AKAP9: variants seen among roughly 807,000 people sequenced by gnomAD.
AKAP9 encodes A-kinase anchor protein 9.
Under a neutral mutation model 488.5 loss-of-function variants are expected in AKAP9, and 311 were observed. The ratio of observed to expected loss-of-function variants is 0.64; its 90% CI spans 0.58 to 0.70. The LOEUF is 0.70. Among genes scored for constraint, AKAP9 ranks in the 30% least tolerant of loss-of-function variants. The pLI, the probability that AKAP9 is intolerant of heterozygous loss-of-function variation, is 0.00. For missense variants in AKAP9, 4,215 were observed against 4,374.5 expected (o/e 0.96, Z 1.03); for synonymous variants, 1,462 against 1,483.5 (o/e 0.99, Z 0.33).
Position 92,062,397 on chromosome 7 carries a change from A to G in AKAP9, c.5888A>G (p.Glu1963Gly), listed in dbSNP as rs1449345241. Reference sequence around the variant, plus strand: ...GCAAGTAACAGGTTGCAAGAATTGGAGGCAGAGCAACAGCAGATCCAAGAA... The same window carrying G: ...GCAAGTAACAGGTTGCAAGAATTGGGGGCAGAGCAACAGCAGATCCAAGAA... The part of the protein sequence containing the change: ...LCASNRLQEL[E>G]AEQQQIQEER... Residue 1963 changes from glutamate (E) to glycine (G), a missense_variant, in exon 24 of 50, where the codon GAG becomes GGG. Glu to Gly is a moderately conservative substitution (Grantham distance 98). Around this residue, in one of 5 missense-constraint regions of AKAP9, gnomAD observed 2,361 missense variants for 2,430.0 expected, o/e 0.97. Coordinates refer to ENST00000356239, the MANE Select transcript of AKAP9 (RefSeq NM_005751.5). 2 of 1,613,944 alleles carry G rather than the reference A, an allele frequency of 1.2e-6. No individual in the cohort carries two copies. Among genetic ancestry groups the G allele is most frequent in the East Asian group, 4.5e-5 (2 of 44,858 alleles).
chr7:92,001,313 C>T lies in AKAP9; in HGVS notation c.1396C>T (p.Arg466Trp), dbSNP rs373876340. 44 of 1,613,664 alleles carry T rather than the reference C, an allele frequency of 2.7e-5. No homozygotes were observed. Among genetic ancestry groups the T allele is most frequent in the African/African-American group, 1.5e-4 (11 of 74,870 alleles). Reference protein sequence around the residue: ...HMAQMEEMKTRHKGEMENALR... With the variant: ...HMAQMEEMKTWHKGEMENALR... ...GGCACAGATGGAGGAAATGAAAACA[C>T]GGCATAAGGGAGAAATGGAGAATGC... Residue 466 changes from arginine (R) to tryptophan (W), a missense_variant, in exon 8 of 50, where the codon CGG becomes TGG. Transcript: ENST00000356239.
At chr7:91,989,041 T>C (rs566663157) in intron 3 of AKAP9, among the ~76,000 whole-genome samples, 9 of 152,288 alleles carry the variant, frequency 5.9e-5, no homozygotes, top group East Asian at 1.9e-4. Flanking sequence ...TTGGCATACA[T>C]TAGACGTTCA....
At chr7:91,987,574 A>C (rs1223203876) in intron 3 of AKAP9, among the ~76,000 whole-genome samples, 2 of 152,234 alleles carry the variant, frequency 1.3e-5, no homozygotes, top group African/African-American at 4.8e-5. Context: ...GTCTAGAGAA[A>C]ACGTAGAAGT....
At chr7:92,058,650 T>A (rs898852001) in intron 22 of AKAP9, among the ~76,000 whole-genome samples, 43 of 152,010 alleles carry the variant, frequency 2.8e-4, no homozygotes, top group African/African-American at 9.9e-4. Context: ...TTTAAAAAGA[T>A]CCCGCTTTTC....
intron 26 of AKAP9, 44 bp downstream of exon 26, chr7:92,066,590 C>A: frequency 6.2e-7 from 1 of 1,607,852 alleles, no homozygotes; most frequent in South Asian, 1.1e-5. Context: ...TAATTTGTAT[C>A]AAGTGTAAAA....
rs756131845 is a variant in AKAP9 at position 92,042,057 on chromosome 7, A to G, written c.4929A>G (p.Ile1643Met). The G allele has an allele frequency of 6.2e-6, 10 of 1,613,724 alleles. No homozygotes were observed. The highest frequency in any genetic ancestry group is 8.5e-6 in the Non-Finnish European group (10 of 1,179,812). Residue 1643 changes from isoleucine (I) to methionine (M), a missense_variant, in exon 19 of 50, where the codon ATA becomes ATG. By Grantham distance (10) the Ile-to-Met change is conservative. Coordinates refer to ENST00000356239, the MANE Select transcript of AKAP9 (RefSeq NM_005751.5). ...TTTTTCTTATTTAGAGATCCTCCAT[A>G]GATAATGAAAACCTGGTTTCAGAGA... ...LNRQLAQRSSIDNENLVSERE... is the reference protein window; with the variant it reads ...LNRQLAQRSSMDNENLVSERE...
chr7:91,941,353 T>C (rs1433974807), intron 1 of AKAP9, among the ~76,000 whole-genome samples: 1 of 152,202 alleles, frequency 6.6e-6, no homozygotes, highest in Non-Finnish European at 1.5e-5. Context: ...TAGCTGATAA[T>C]ACTTCCGCGA....
intron 1 of AKAP9, among the ~76,000 whole-genome samples, chr7:91,958,070 A>T (rs1012394834): frequency 6.6e-6 from 1 of 152,164 alleles, no homozygotes; most frequent in Non-Finnish European, 1.5e-5. Flanking sequence ...ACTGATATTC[A>T]TGTGTTTATT....
At chr7:92,050,012 A>C (rs1162945233) in intron 21 of AKAP9, among the ~76,000 whole-genome samples, 1 of 151,670 alleles carries the variant, frequency 6.6e-6, no homozygotes, top group Non-Finnish European at 1.5e-5. Context: ...AAATTTAAGA[A>C]GTGTTGAATT....
chr7:92,028,377 C>T (rs1803672589), intron 14 of AKAP9, among the ~76,000 whole-genome samples: 1 of 148,356 alleles, frequency 6.7e-6, no homozygotes. Context: ...ATCATAATGA[C>T]CGGATAGATA....
intron 46 of AKAP9, among the ~76,000 whole-genome samples, chr7:92,104,190 A>ATTTTTTTTTTTT (rs879741854): frequency 1.4e-5 from 2 of 142,656 alleles, no homozygotes; most frequent in Non-Finnish European, 3.1e-5. Flanking sequence ...TTATTTATTT[A>ATTTTTTTTTTTT]TTTTTTTTTT....
At chr7:91,969,539 A>G (rs576918734) in intron 1 of AKAP9, among the ~76,000 whole-genome samples, 4 of 152,266 alleles carry the variant, frequency 2.6e-5, no homozygotes, top group South Asian at 2.1e-4. Flanking sequence ...ATTGCAGTCT[A>G]TCTCTCCCTT....
intron 1 of AKAP9, among the ~76,000 whole-genome samples, 173 bp downstream of exon 1, chr7:91,941,320 A>G (rs975096050): frequency 6.6e-6 from 1 of 152,000 alleles, no homozygotes; most frequent in African/African-American, 2.4e-5. Context: ...CCCTTTTTCC[A>G]GTTGGGGGAC....
intron 30 of AKAP9, 48 bp downstream of exon 30, chr7:92,077,923 TA>T: frequency 7.0e-7 from 1 of 1,427,830 alleles, no homozygotes; most frequent in Non-Finnish European, 9.7e-7. Flanking sequence ...ACCAGAGTTT[TA>T]AAGGGCAAAA....
chr7:92,097,109 A>T lies in AKAP9; in HGVS notation c.10150A>T (p.Arg3384Trp). The change falls in exon 41 of 50, where the codon AGG becomes TGG. Residue 3384 changes from arginine to tryptophan, a missense_variant. Physicochemically the swap from Arg to Trp is moderately radical, Grantham distance 101. Coordinates refer to ENST00000356239, the MANE Select transcript of AKAP9 (RefSeq NM_005751.5). ...LQTRQQMEKD[R>W]QVHRKTLQTE... ...AACACGACAGCAAATGGAAAAAGATAGGCAGGTTCACAGGAAAACACTGCA... is the reference window on the plus strand; with the variant it reads ...AACACGACAGCAAATGGAAAAAGATTGGCAGGTTCACAGGAAAACACTGCA... 5 of 1,614,264 alleles carry T rather than the reference A, an allele frequency of 3.1e-6. No homozygotes were observed. Among genetic ancestry groups the T allele is most frequent in the Non-Finnish European group, 4.2e-6 (5 of 1,180,048 alleles).
intron 26 of AKAP9, among the ~76,000 whole-genome samples, chr7:92,067,906 G>A (rs1328727626): frequency 1.3e-5 from 2 of 152,130 alleles, no homozygotes; most frequent in Non-Finnish European, 2.9e-5. Flanking sequence ...GGCACATAGT[G>A]AACACTTTAA....
intron 3 of AKAP9, among the ~76,000 whole-genome samples, chr7:91,986,502 G>A (rs559484549): frequency 6.4e-4 from 97 of 152,268 alleles, no homozygotes; most frequent in African/African-American, 2.0e-3. Context: ...GCTGCAGACC[G>A]GAGCTGTTCC....
chr7:92,034,789 A>G (rs1296136170), intron 16 of AKAP9, among the ~76,000 whole-genome samples: 1 of 151,802 alleles, frequency 6.6e-6, no homozygotes, highest in East Asian at 1.9e-4. Flanking sequence ...GTTAGCCACC[A>G]TGCCCTGCCT....
intron 12 of AKAP9, among the ~76,000 whole-genome samples, chr7:92,020,355 C>G (rs1368075989): frequency 1.3e-5 from 2 of 152,288 alleles, no homozygotes; most frequent in African/African-American, 4.8e-5. Flanking sequence ...CCCTCCCAGC[C>G]TTTTTGGTTT....
Sources: allele counts gnomAD v4.1 joint callset (sites outside exome capture counted in the v4.1 genomes callset), GRCh38; gene constraint gnomAD v4.1.1; regional missense constraint gnomAD v4.1.1; transcripts MANE v1.5; gene names NCBI Gene and HGNC (gene_info 2026-07-23, HGNC 2026-07-21).